ROCK2: variants seen among roughly 807,000 people sequenced by gnomAD.
ROCK2 encodes Rho associated coiled-coil containing protein kinase 2, also known as rho-associated protein kinase 2.
ROCK2 carries 61 observed loss-of-function variants against 195.1 expected under a neutral mutation model. The ratio of observed to expected loss-of-function variants is 0.31; its 90% CI spans 0.25 to 0.39. The LOEUF (loss-of-function observed/expected upper bound fraction) is 0.39, where lower values mean the gene tolerates loss of function less well. ROCK2 is among the 10% of genes least tolerant of loss of function. ROCK2 has a pLI of 1.00. For synonymous variants in ROCK2, 504 were observed against 545.5 expected (o/e 0.92, Z 1.06); for missense variants, 1,109 against 1,637.4 (o/e 0.68, Z 5.57).
At chr2:11,283,164 G>T (rs1452613997) in intron 3 of ROCK2, among the ~76,000 whole-genome samples, 1 of 152,018 alleles carries the variant, frequency 6.6e-6, no homozygotes, top group Admixed American at 6.6e-5. Flanking sequence ...CTACTTGGGA[G>T]GCTGAGGCAG....
intron 3 of ROCK2, among the ~76,000 whole-genome samples, chr2:11,268,332 TCAAC>T (rs531850753): frequency 6.6e-6 from 1 of 152,210 alleles, no homozygotes; most frequent in African/African-American, 2.4e-5. Flanking sequence ...ATCCAAGAGC[TCAAC>T]CAGAGTCTCA....
Position 11,317,614 on chromosome 2 carries a change from T to TA in ROCK2, c.141+26381_141+26382insT, listed in dbSNP as rs1159420475. ...TATATATATATATATATATATATAT[T>TA]TTTTTTTTTTTTTAATTATACTTTA... On this transcript the variant is annotated intron_variant, in intron 1 of 32. Coordinates refer to ENST00000315872, the MANE Select transcript of ROCK2 (RefSeq NM_004850.5). Among the ~76,000 whole-genome samples, 109 of 13,982 alleles carry TA rather than the reference T, an allele frequency of 7.8e-3. 1 individual carries two copies. Among genetic ancestry groups the TA allele is most frequent in the South Asian group, 0.017 (5 of 300 alleles). 9.2% of individuals were successfully genotyped at this position (13,982 alleles called of 152,430 possible).
chr2:11,326,426 G>A (rs564631003), intron 1 of ROCK2, among the ~76,000 whole-genome samples: 3 of 152,164 alleles, frequency 2.0e-5, no homozygotes, highest in Non-Finnish European at 4.4e-5. Context: ...ATCTTGGAGC[G>A]AGCAGTTTTA....
chr2:11,218,224 T>C (rs1209349202), intron 11 of ROCK2: 3 of 355,806 alleles, frequency 8.4e-6, no homozygotes, highest in Non-Finnish European at 1.5e-5. Context: ...TCAGAAATTT[T>C]TGCTGCCAGT....
intron 3 of ROCK2, among the ~76,000 whole-genome samples, chr2:11,272,875 A>C (rs1387913750): frequency 6.6e-6 from 1 of 151,234 alleles, no homozygotes; most frequent in Non-Finnish European, 1.5e-5. Context: ...GTCTCAAAAA[A>C]AAAAAAAAAA....
intron 3 of ROCK2, among the ~76,000 whole-genome samples, chr2:11,284,891 T>C (rs1280190600): frequency 6.6e-6 from 1 of 152,198 alleles, no homozygotes; most frequent in South Asian, 2.1e-4. Context: ...CCTAAAATCA[T>C]CCTCATTATA....
intron 1 of ROCK2, among the ~76,000 whole-genome samples, chr2:11,294,977 C>T (rs796650019): frequency 1.7e-4 from 26 of 151,912 alleles, no homozygotes; most frequent in African/African-American, 5.6e-4. Context: ...TTAGTAGAGA[C>T]GGGGTTTCAT....
At chr2:11,271,516 T>C (rs922829395) in intron 3 of ROCK2, among the ~76,000 whole-genome samples, 1 of 152,184 alleles carries the variant, frequency 6.6e-6, no homozygotes, top group African/African-American at 2.4e-5. Flanking sequence ...CAGTGGTTTG[T>C]TTGGTGTCCT....
At chr2:11,262,256 GAAC>G (rs1465940914) in intron 3 of ROCK2, among the ~76,000 whole-genome samples, 1 of 151,772 alleles carries the variant, frequency 6.6e-6, no homozygotes, top group Non-Finnish European at 1.5e-5. Flanking sequence ...AAAAAACAAA[GAAC>G]AAAAAAATAA....
At chr2:11,317,598 A>ATTT (rs1668249361) in intron 1 of ROCK2, among the ~76,000 whole-genome samples, 1 of 15,772 alleles carries the variant, frequency 6.3e-5, no homozygotes, top group African/African-American at 2.0e-4. Flanking sequence ...ATATATATAT[A>ATTT]TATATATATA....
intron 3 of ROCK2, among the ~76,000 whole-genome samples, chr2:11,264,319 A>G (rs1666340397): frequency 6.6e-6 from 1 of 152,214 alleles, no homozygotes; most frequent in Non-Finnish European, 1.5e-5. Context: ...TGATGACAGT[A>G]AAAGTGGATG....
upstream of ROCK2, among the ~76,000 whole-genome samples, chr2:11,345,261 C>T (rs1004007534): frequency 3.3e-5 from 5 of 152,210 alleles, no homozygotes; most frequent in Non-Finnish European, 5.9e-5. Context: ...TTCTGCCCGG[C>T]TTAGACACTA....
rs568337160 is a variant in ROCK2 at position 11,235,025 on chromosome 2, T to C, written c.723+677A>G. The stretch of plus-strand genomic sequence containing the variant: ...TATATATTAACATTTATAAGTCGAC[T>C]CCTAGGACCAACAGGGTAATACAAA... On this transcript the variant is annotated intron_variant, in intron 5 of 32. Transcript: ENST00000315872. This position sits in a 1 kb window ranked among gnomAD's most constrained non-coding sequence, Gnocchi z 4.2. Among the ~76,000 whole-genome samples, 1 of 152,090 alleles carries C rather than the reference T, an allele frequency of 6.6e-6. No individual in the cohort carries two copies. Among genetic ancestry groups the C allele is most frequent in the Non-Finnish European group, 1.5e-5 (1 of 67,988 alleles).
At chr2:11,294,226 C>CA (rs1467138811) in intron 1 of ROCK2, among the ~76,000 whole-genome samples, 9 of 151,892 alleles carry the variant, frequency 5.9e-5, no homozygotes, top group Non-Finnish European at 7.4e-5. Flanking sequence ...AAGGAAAGAG[C>CA]AAAAAATCAC....
At chr2:11,264,541 C>A (rs72787659) in intron 3 of ROCK2, among the ~76,000 whole-genome samples, 6,471 of 152,154 alleles carry the variant, frequency 0.043, 279 homozygotes, top group Non-Finnish European at 0.06. Flanking sequence ...TCTGATTTCA[C>A]ACATTTTAGA....
chr2:11,337,325 A>G (rs558290974), intron 1 of ROCK2, among the ~76,000 whole-genome samples: 96 of 152,320 alleles, frequency 6.3e-4, no homozygotes, highest in African/African-American at 2.3e-3. Flanking sequence ...TTTGACAAAG[A>G]GTGTTCTCTT....
At chr2:11,244,494 G>A (rs1241513639) in intron 4 of ROCK2, among the ~76,000 whole-genome samples, 1 of 152,072 alleles carries the variant, frequency 6.6e-6, no homozygotes, top group African/African-American at 2.4e-5. Flanking sequence ...TGGGTGCAGT[G>A]GCTCATGTCT....
chr2:11,308,369 T>C, intron 1 of ROCK2: 1 of 1,365,924 alleles, frequency 7.3e-7, no homozygotes, highest in Non-Finnish European at 1.0e-6. Flanking sequence ...GCCTGTCCCA[T>C]TAAGAAGAAT....
At chr2:11,317,613 T>TATATATATG (rs1553317465) in intron 1 of ROCK2, among the ~76,000 whole-genome samples, 1 of 20,306 alleles carries the variant, frequency 4.9e-5, no homozygotes, top group Non-Finnish European at 8.7e-5. Context: ...TATATATATA[T>TATATATATG]TTTTTTTTTT....
Sources: gnomAD v4.1 joint callset for allele counts (sites outside exome capture counted in the v4.1 genomes callset) on GRCh38, gnomAD v4.1.1 for gene constraint, Gnocchi (gnomAD v3.1) non-coding constraint, MANE v1.5 for transcripts, NCBI Gene and HGNC (gene_info 2026-07-23, HGNC 2026-07-21) for gene names.